The following KCNQ1 variants were observed in gnomAD, a reference collection of about 807,000 sequenced individuals.
KCNQ1 encodes potassium voltage-gated channel subfamily KQT member 1.
A neutral mutation model predicts 72.4 loss-of-function variants in KCNQ1; 49 were observed. The observed-to-expected ratio is 0.68, with a 90% confidence interval of 0.54 to 0.86. The LOEUF (loss-of-function observed/expected upper bound fraction) is 0.86. Ranked by LOEUF, KCNQ1 falls within the 40% of genes least tolerant of loss-of-function variation. The pLI is 0.00. For missense variants in KCNQ1, 790 were observed against 945.1 expected (o/e 0.84, Z 2.15); for synonymous variants, 450 against 412.6 (o/e 1.09, Z -1.10).
Position 2,753,223 on chromosome 11 carries a change from A to G in KCNQ1, c.1515-15621A>G, listed in dbSNP as rs558050208. Among the ~76,000 whole-genome samples, 8 of 152,112 alleles carry G rather than the reference A, an allele frequency of 5.3e-5. No individual in the cohort carries two copies. The South Asian group carries it at 1.7e-3, about 32-fold the overall frequency. On this transcript the variant is annotated intron_variant, in intron 11 of 15. Transcript: ENST00000155840. Reference sequence around the variant, plus strand: ...AGCCATACAGTATCTGAGGCGGGGGAGTCACGAGATCTTCAGTCTGTCCCT... The same window carrying G: ...AGCCATACAGTATCTGAGGCGGGGGGGTCACGAGATCTTCAGTCTGTCCCT...
Position 2,537,437 on chromosome 11 carries a change from G to A in KCNQ1, c.477+9419G>A, listed in dbSNP as rs1412409885. Reference sequence around the variant, plus strand: ...CGAATTAGTAACAATTTTATTTTTTGGGAAAATAGAAGTGGGAGAGCGTGT... The same window carrying A: ...CGAATTAGTAACAATTTTATTTTTTAGGAAAATAGAAGTGGGAGAGCGTGT... On this transcript the variant is annotated intron_variant, in intron 2 of 15. Transcript: ENST00000155840. This position sits in a 1 kb window ranked among gnomAD's most constrained non-coding sequence, Gnocchi z 5.2. Among the ~76,000 whole-genome samples the A allele has an allele frequency of 6.6e-6, 1 of 152,076 alleles. No homozygotes were observed.
chr11:2,637,049 T>C (rs1849482072), intron 10 of KCNQ1: 1 of 152,226 alleles, frequency 6.6e-6, no homozygotes, highest in African/African-American at 2.4e-5. Flanking sequence ...TATCATTTTT[T>C]ATTGCATCTA....
At chr11:2,699,669 G>GAACCGCGCCGAAGAACCCCCGGGGAT (rs1850753176) in intron 11 of KCNQ1, 1 of 273,670 alleles carries the variant, frequency 3.7e-6, no homozygotes, top group Admixed American at 7.5e-5. Context: ...CCCCCGGGGA[G>GAACCGCGCCGAAGAACCCCCGGGGAT]AACCGCGCCG....
rs1377733414 is a variant in KCNQ1 at position 2,603,054 on chromosome 11, C to A, written c.1393+14200C>A. ...GTGGAGATATAGTTTACATACCATA[C>A]AATTCACCCATTTAAAGAATATAAT... On this transcript the variant is annotated intron_variant, in intron 10 of 15. Coordinates refer to ENST00000155840, the MANE Select transcript of KCNQ1 (RefSeq NM_000218.3). This position sits in a 1 kb window ranked among gnomAD's most constrained non-coding sequence, Gnocchi z 4.1. Among the ~76,000 whole-genome samples the A allele has an allele frequency of 2.6e-5, 4 of 152,184 alleles. No individual in the cohort carries two copies. Among genetic ancestry groups the A allele is most frequent in the Non-Finnish European group, 5.9e-5 (4 of 68,044 alleles).
Position 2,584,511 on chromosome 11 carries a change from GTGTT to G in KCNQ1, c.1033-697_1033-694del, listed in dbSNP as rs534894356. Reference sequence around the variant, plus strand: ...TGTGTTAGTATGTGGGTTAGTGTGTGTGTTTGTGTGTTAGTGTGTGTGTTAGTAT... The same window carrying G: ...TGTGTTAGTATGTGGGTTAGTGTGTGTGTGTGTTAGTGTGTGTGTTAGTAT... On this transcript the variant is annotated intron_variant, in intron 7 of 15. Transcript: ENST00000155840. Among the ~76,000 whole-genome samples, 445 of 151,484 alleles carry G rather than the reference GTGTT, an allele frequency of 2.9e-3. 2 individuals are homozygous for G. Among genetic ancestry groups the G allele is most frequent in the African/African-American group, 7.3e-3 (300 of 41,134 alleles).
chr11:2,743,615 G>A (rs1460254438), intron 11 of KCNQ1, among the ~76,000 whole-genome samples: 2 of 152,176 alleles, frequency 1.3e-5, no homozygotes, highest in Non-Finnish European at 2.9e-5. Flanking sequence ...GCGTCTCCCC[G>A]GAGGAGAGCA....
At chr11:2,721,562 G>A (rs773728746) in intron 11 of KCNQ1, among the ~76,000 whole-genome samples, 8 of 152,252 alleles carry the variant, frequency 5.3e-5, no homozygotes, top group Admixed American at 2.0e-4. Flanking sequence ...ACATTCCGGC[G>A]GTCAGCAGCC....
chr11:2,520,145 G>A (rs1191825290), intron 1 of KCNQ1, among the ~76,000 whole-genome samples: 2 of 152,204 alleles, frequency 1.3e-5, no homozygotes, highest in Non-Finnish European at 1.5e-5. Flanking sequence ...GCCAGTCTGG[G>A]CACGTCCCAT....
At chr11:2,741,536 C>T (rs144556696) in intron 11 of KCNQ1, among the ~76,000 whole-genome samples, 4 of 152,296 alleles carry the variant, frequency 2.6e-5, no homozygotes, top group African/African-American at 9.6e-5. Flanking sequence ...ACAGCCTATC[C>T]CCTACCCAGG....
At chr11:2,689,224 T>G (rs1850547922) in intron 11 of KCNQ1, 2 of 398,660 alleles carry the variant, frequency 5.0e-6, no homozygotes, top group African/African-American at 4.1e-5. Context: ...TGCAGTGGTT[T>G]AGGCCAAGCT....
chr11:2,582,907 C>T (rs1405202367), intron 6 of KCNQ1, among the ~76,000 whole-genome samples: 1 of 152,168 alleles, frequency 6.6e-6, no homozygotes. Flanking sequence ...ACGGATGGCT[C>T]TCCCACCAAG....
chr11:2,641,236 A>G (rs2133829758), intron 10 of KCNQ1: 1 of 398,440 alleles, frequency 2.5e-6, no homozygotes, highest in Non-Finnish European at 4.4e-6. Context: ...TTTTTCAGAA[A>G]TCAAACTGTT....
intron 15 of KCNQ1, among the ~76,000 whole-genome samples, chr11:2,823,984 C>G (rs919997460): frequency 1.3e-5 from 2 of 152,156 alleles, no homozygotes; most frequent in African/African-American, 4.8e-5. Flanking sequence ...ATAAGAGGAC[C>G]AGTGATGGGC....
At chr11:2,542,346 G>A (rs1234569777) in intron 2 of KCNQ1, among the ~76,000 whole-genome samples, 1 of 152,256 alleles carries the variant, frequency 6.6e-6, no homozygotes, top group Non-Finnish European at 1.5e-5. Flanking sequence ...GCCGGTGTAA[G>A]GGGCCCCGTG....
At chr11:2,707,932 C>T (rs1312379390) in intron 11 of KCNQ1, among the ~76,000 whole-genome samples, 3 of 152,200 alleles carry the variant, frequency 2.0e-5, no homozygotes, top group Non-Finnish European at 4.4e-5. Flanking sequence ...GCTTCTTGAG[C>T]GCCGAACCTG....
intron 15 of KCNQ1, among the ~76,000 whole-genome samples, chr11:2,810,478 A>G (rs1395945715): frequency 1.3e-5 from 2 of 152,112 alleles, no homozygotes; most frequent in African/African-American, 2.4e-5. Context: ...TCTTAACTTT[A>G]TCTCTTCAGA....
At chr11:2,452,151 T>C (rs1357980181) in intron 1 of KCNQ1, among the ~76,000 whole-genome samples, 1 of 152,084 alleles carries the variant, frequency 6.6e-6, no homozygotes, top group African/African-American at 2.4e-5. Context: ...TCTGCTAAGG[T>C]GCACACCTTT....
intron 10 of KCNQ1, chr11:2,632,995 G>A: frequency 5.0e-6 from 2 of 398,486 alleles, no homozygotes; most frequent in Middle Eastern, 6.3e-4. Flanking sequence ...AAACACCACA[G>A]TATTTTCCAT....
At chr11:2,846,126 G>A (rs534807360) in intron 15 of KCNQ1, among the ~76,000 whole-genome samples, 2 of 152,144 alleles carry the variant, frequency 1.3e-5, no homozygotes, top group Non-Finnish European at 2.9e-5. Context: ...TGGATCAGCA[G>A]TGGGGCCGGG....
Sources: allele counts gnomAD v4.1 joint callset (sites outside exome capture counted in the v4.1 genomes callset), GRCh38; gene constraint gnomAD v4.1.1; non-coding constraint Gnocchi (gnomAD v3.1); transcripts MANE v1.5; gene names NCBI Gene and HGNC (gene_info 2026-07-23, HGNC 2026-07-21).